Variants in TGFBR2 observed in about 807,000 individuals in gnomAD.
The protein encoded by TGFBR2 is TGF-beta receptor type-2.
A neutral mutation model predicts 49.0 loss-of-function variants in TGFBR2; 18 were observed. The ratio of observed to expected loss-of-function variants is 0.37; its 90% CI spans 0.25 to 0.54. The LOEUF is 0.54. Among genes scored for constraint, TGFBR2 ranks in the 20% least tolerant of loss-of-function variants. TGFBR2 has a pLI of 0.85. For missense variants in TGFBR2, 525 were observed against 722.6 expected (o/e 0.73, Z 3.13); for synonymous variants, 282 against 275.9 (o/e 1.02, Z -0.22).
intron 3 of TGFBR2, among the ~76,000 whole-genome samples, chr3:30,654,972 C>G (rs1197203129): frequency 6.6e-6 from 1 of 152,172 alleles, no homozygotes; most frequent in African/African-American, 2.4e-5. Flanking sequence ...GTGTAATACT[C>G]AAGAATGAGC....
At chr3:30,625,005 T>G (rs1216333267) in intron 1 of TGFBR2, among the ~76,000 whole-genome samples, 1 of 152,204 alleles carries the variant, frequency 6.6e-6, no homozygotes, top group Non-Finnish European at 1.5e-5. Context: ...GTAATAAATT[T>G]CAGTGTTACC....
intron 5 of TGFBR2, among the ~76,000 whole-genome samples, chr3:30,677,782 G>C (rs1463293186): frequency 6.6e-6 from 1 of 152,172 alleles, no homozygotes; most frequent in African/African-American, 2.4e-5. Flanking sequence ...CAGATGGAAG[G>C]ACAGGTTTTG....
intron 3 of TGFBR2, 94 bp from the exon 4 acceptor site, chr3:30,671,544 T>A: frequency 7.7e-7 from 1 of 1,296,030 alleles, no homozygotes; most frequent in Non-Finnish European, 1.1e-6. Flanking sequence ...ATGCAGATGC[T>A]AAAATCTATA....
rs750806566 is a variant in TGFBR2, at chr3:30,691,491, G to A, written c.1596G>A (p.Gln532=). ...DHDPEARLTA[Q]CVAERFSELE... ...ACCCAGAGGCCCGTCTCACAGCCCA[G>A]TGTGTGGCAGAACGCTTCAGTGAGC... Residue 532 remains glutamine, a synonymous_variant, in exon 7 of 7, where the codon CAG becomes CAA. Transcript: ENST00000295754. The A allele has an allele frequency of 6.2e-7, 1 of 1,614,124 alleles. No individual in the cohort carries two copies. The highest frequency in any genetic ancestry group is 1.7e-5 in the Admixed American group (1 of 60,030).
At chr3:30,617,999 G>T (rs1306302784) in intron 1 of TGFBR2, among the ~76,000 whole-genome samples, 1 of 152,188 alleles carries the variant, frequency 6.6e-6, no homozygotes, top group Non-Finnish European at 1.5e-5. Context: ...AAGAAGAGGA[G>T]AATTCAAGGA....
In TGFBR2 at chr3:30,693,956, C is replaced by A. The variant is rs1214285895; in HGVS notation, c.*2357C>A. The A allele has an allele frequency of 1.7e-5, 4 of 229,516 alleles. No individual in the cohort carries two copies. The highest frequency in any genetic ancestry group is 5.7e-5 in the Admixed American group (1 of 17,630). 14.2% of individuals were successfully genotyped at this position (229,516 alleles called of 1,614,324 possible). A position where few individuals can be genotyped will look rare whatever the true frequency, so the allele number is the denominator to read the frequency against. On this transcript the variant is annotated 3_prime_UTR_variant, in exon 7 of 7. Coordinates refer to ENST00000295754, the MANE Select transcript of TGFBR2 (RefSeq NM_003242.6). ...AGTTTTATTCTTTTATGGAACACTT[C>A]AGCTGTACTCATGTATTAAAATAGG...
At chr3:30,618,270 C>A (rs1214968411) in intron 1 of TGFBR2, among the ~76,000 whole-genome samples, 2 of 144,326 alleles carry the variant, frequency 1.4e-5, no homozygotes, top group Non-Finnish European at 3.0e-5. Context: ...CGCTCTGTTG[C>A]CCAGGCTGGT....
rs4016180 is a variant in TGFBR2, at chr3:30,691,909, TTATA to T, written c.*326_*329del. 524 of 245,330 alleles carry T rather than the reference TTATA, an allele frequency of 2.1e-3. 1 individual carries two copies. The highest frequency in any genetic ancestry group is 5.1e-3 in the Middle Eastern group (4 of 780). The allele number at this position is 245,330 out of a possible 1,614,324, so 15.2% of individuals were successfully genotyped here. On this transcript the variant is annotated 3_prime_UTR_variant, in exon 7 of 7. Transcript: ENST00000295754. ...GTATATAAATATGAATAGCTATGTT[TTATA>T]TATATATATATATATCTATATATGT...
chr3:30,653,474 A>T (rs1021374448), intron 3 of TGFBR2, among the ~76,000 whole-genome samples: 1 of 151,468 alleles, frequency 6.6e-6, no homozygotes, highest in African/African-American at 2.4e-5. Flanking sequence ...CTGGTCTCAA[A>T]CTCTTGACCT....
At chr3:30,681,356 G>C (rs1699537451) in intron 5 of TGFBR2, among the ~76,000 whole-genome samples, 1 of 151,974 alleles carries the variant, frequency 6.6e-6, no homozygotes, top group East Asian at 1.9e-4. Flanking sequence ...CTGCTTTGGG[G>C]AAAACCATCA....
chr3:30,671,574 A>C, intron 3 of TGFBR2, 64 bp from the exon 4 acceptor site: 2 of 1,541,368 alleles, frequency 1.3e-6, no homozygotes, highest in South Asian at 2.2e-5. Flanking sequence ...GCATGAACCC[A>C]CTTCCTGACA....
At chr3:30,636,794 G>A (rs939703492) in intron 1 of TGFBR2, among the ~76,000 whole-genome samples, 1 of 151,922 alleles carries the variant, frequency 6.6e-6, no homozygotes, top group African/African-American at 2.4e-5. Context: ...GCCAGGCGTG[G>A]TGGCTCAAGC....
chr3:30,661,765 T>C (rs1699137201), intron 3 of TGFBR2: 1 of 350,284 alleles, frequency 2.9e-6, no homozygotes. Context: ...CCTGCTGTAA[T>C]CTTTGCTACA....
intron 3 of TGFBR2, among the ~76,000 whole-genome samples, chr3:30,653,896 C>G (rs570708098): frequency 6.6e-6 from 1 of 152,138 alleles, no homozygotes; most frequent in Non-Finnish European, 1.5e-5. Context: ...CGAGTAGGCA[C>G]TGTTAGGATC....
chr3:30,631,817 G>A (rs561190588), intron 1 of TGFBR2, among the ~76,000 whole-genome samples: 4 of 152,098 alleles, frequency 2.6e-5, no homozygotes, highest in African/African-American at 9.6e-5. Context: ...TGGAGAACAG[G>A]CACAGAGAGT....
chr3:30,636,155 A>ATGTGTGTGTGTGTGTGTGTGTG (rs61296907), intron 1 of TGFBR2, among the ~76,000 whole-genome samples: 2 of 134,636 alleles, frequency 1.5e-5, no homozygotes, highest in Non-Finnish European at 3.2e-5. Context: ...ATATATATGT[A>ATGTGTGTGTGTGTGTGTGTGTG]TGTGTGTGTG....
chr3:30,681,213 C>T (rs1051206447), intron 5 of TGFBR2, among the ~76,000 whole-genome samples: 1 of 144,134 alleles, frequency 6.9e-6, no homozygotes, highest in African/African-American at 2.6e-5. Context: ...AGGGAAGGGG[C>T]TGGGGGAAGA....
At chr3:30,665,931 T>C (rs1227868765) in intron 3 of TGFBR2, among the ~76,000 whole-genome samples, 1 of 152,252 alleles carries the variant, frequency 6.6e-6, no homozygotes, top group Non-Finnish European at 1.5e-5. Flanking sequence ...GTTATAGTAA[T>C]ATATGTTTCT....
At chr3:30,657,715 G>A (rs1192716539) in intron 3 of TGFBR2, among the ~76,000 whole-genome samples, 3 of 152,168 alleles carry the variant, frequency 2.0e-5, no homozygotes. Context: ...AGCTGGATGA[G>A]TGAGGAGATT....
Sources: gnomAD v4.1 joint callset for allele counts (sites outside exome capture counted in the v4.1 genomes callset) on GRCh38, gnomAD v4.1.1 for gene constraint, MANE v1.5 for transcripts, NCBI Gene and HGNC (gene_info 2026-07-23, HGNC 2026-07-21) for gene names.